CLEC16A: variants seen among roughly 807,000 people sequenced by gnomAD.
The protein encoded by CLEC16A is C-type lectin domain containing 16A.
Under a neutral mutation model 109.5 loss-of-function variants are expected in CLEC16A, and 51 were observed. The ratio of observed to expected loss-of-function variants is 0.47; its 90% CI spans 0.37 to 0.59. The LOEUF (loss-of-function observed/expected upper bound fraction) is 0.59, where lower values mean the gene tolerates loss of function less well. Ranked by LOEUF, CLEC16A falls within the 20% of genes least tolerant of loss-of-function variation. The pLI is 0.00. For missense variants in CLEC16A, 1,339 were observed against 1,394.0 expected, an observed-to-expected ratio of 0.96 and a Z score of 0.63; for synonymous variants, 673 against 564.2, an observed-to-expected ratio of 1.19 and a Z score of -2.73.
intron 19 of CLEC16A, among the ~76,000 whole-genome samples, chr16:11,089,440 CT>C (rs1253157021): frequency 6.6e-6 from 1 of 152,146 alleles, no homozygotes; most frequent in Non-Finnish European, 1.5e-5. Flanking sequence ...AGGGGTCAGC[CT>C]TTTAGCAACT....
chr16:11,078,810 C>A (rs1399091912), intron 19 of CLEC16A, among the ~76,000 whole-genome samples: 1 of 152,168 alleles, frequency 6.6e-6, no homozygotes, highest in African/African-American at 2.4e-5. Flanking sequence ...GGCAGATTCC[C>A]ATCTGCCCCT....
At chr16:11,082,377 C>G (rs1048859221) in intron 19 of CLEC16A, among the ~76,000 whole-genome samples, 1 of 152,190 alleles carries the variant, frequency 6.6e-6, no homozygotes, top group South Asian at 2.1e-4. Context: ...ACCTAGGGTC[C>G]GGTCTTTCAA....
chr16:11,042,172 C>G, intron 14 of CLEC16A, 82 bp from the exon 15 acceptor site: 1 of 1,019,112 alleles, frequency 9.8e-7, no homozygotes, highest in Non-Finnish European at 1.5e-6. Context: ...GACCTGCTAG[C>G]CTCAACGTGG....
chr16:10,998,457 G>A (rs2152742103), intron 10 of CLEC16A, among the ~76,000 whole-genome samples: 1 of 152,338 alleles, frequency 6.6e-6, no homozygotes, highest in Admixed American at 6.5e-5. Context: ...TTTGGGACAT[G>A]TAGACCTTCT....
At chr16:11,095,820 A>G (rs921126335) in intron 19 of CLEC16A, among the ~76,000 whole-genome samples, 3 of 110,956 alleles carry the variant, frequency 2.7e-5, no homozygotes, top group African/African-American at 7.0e-5. Flanking sequence ...TCAAAAAGAA[A>G]AAAAAAAAAA....
chr16:11,150,583 T>C (rs2054255415), intron 22 of CLEC16A, among the ~76,000 whole-genome samples: 2 of 152,358 alleles, frequency 1.3e-5, no homozygotes, highest in African/African-American at 4.8e-5. Flanking sequence ...TTCACAACAT[T>C]GCCATCATGT....
At chr16:11,133,964 C>G (rs1328677367) in intron 22 of CLEC16A, among the ~76,000 whole-genome samples, 1 of 152,088 alleles carries the variant, frequency 6.6e-6, no homozygotes, top group Non-Finnish European at 1.5e-5. Context: ...TTTTATAAAG[C>G]AAAATTTATT....
At chr16:10,948,205 T>C (rs1048629762) in intron 1 of CLEC16A, among the ~76,000 whole-genome samples, 9 of 152,204 alleles carry the variant, frequency 5.9e-5, no homozygotes, top group Non-Finnish European at 1.3e-4. Flanking sequence ...GACTTTACTT[T>C]TTTAGAACAG....
intron 19 of CLEC16A, among the ~76,000 whole-genome samples, chr16:11,110,902 A>G (rs1193904858): frequency 6.6e-5 from 10 of 152,190 alleles, no homozygotes; most frequent in Admixed American, 2.0e-4. Flanking sequence ...ACTGCTCTTC[A>G]TGGTAACAGC....
chr16:11,001,306 C>G (rs944719818), intron 10 of CLEC16A, among the ~76,000 whole-genome samples: 4 of 152,118 alleles, frequency 2.6e-5, no homozygotes, highest in Non-Finnish European at 1.5e-5. Context: ...GGCTGGTCTT[C>G]AAATCCTTGG....
intron 22 of CLEC16A, among the ~76,000 whole-genome samples, chr16:11,161,991 C>G (rs567572280): frequency 9.2e-5 from 14 of 152,310 alleles, no homozygotes; most frequent in African/African-American, 3.4e-4. Context: ...GGGGGCATGT[C>G]CAAGGTCTCG....
At chr16:11,147,675 A>C (rs2054122529) in intron 22 of CLEC16A, among the ~76,000 whole-genome samples, 1 of 152,220 alleles carries the variant, frequency 6.6e-6, no homozygotes, top group Non-Finnish European at 1.5e-5. Flanking sequence ...TTCATTGTAC[A>C]GTATGTGAAT....
chr16:11,027,285 G>C, intron 13 of CLEC16A: 2 of 1,547,368 alleles, frequency 1.3e-6, no homozygotes, highest in Non-Finnish European at 1.8e-6. Flanking sequence ...ACATTCCTTG[G>C]CCTTTGTTGT....
intron 10 of CLEC16A, among the ~76,000 whole-genome samples, chr16:10,994,568 GAT>G (rs2044221843): frequency 6.6e-6 from 1 of 152,282 alleles, no homozygotes; most frequent in African/African-American, 2.4e-5. Flanking sequence ...AATGTGAAAA[GAT>G]GTGTGTGTCT....
intron 11 of CLEC16A, among the ~76,000 whole-genome samples, chr16:11,005,150 G>C (rs1342924624): frequency 6.6e-6 from 1 of 152,158 alleles, no homozygotes; most frequent in Non-Finnish European, 1.5e-5. Flanking sequence ...CCTCAGCTGT[G>C]ACTAACAGTG....
At chr16:11,088,983 C>G (rs1433225347) in intron 19 of CLEC16A, among the ~76,000 whole-genome samples, 2 of 152,220 alleles carry the variant, frequency 1.3e-5, no homozygotes, top group African/African-American at 4.8e-5. Context: ...CAGCCACCCA[C>G]AGTACCCCCT....
chr16:11,108,848 T>A (rs7193670), intron 19 of CLEC16A, among the ~76,000 whole-genome samples: 1 of 151,822 alleles, frequency 6.6e-6, no homozygotes, highest in Non-Finnish European at 1.5e-5. Flanking sequence ...CGGTGGCTCA[T>A]GCCTGTAATC....
At chr16:11,133,902 G>A (rs1310315203) in intron 22 of CLEC16A, among the ~76,000 whole-genome samples, 1 of 152,182 alleles carries the variant, frequency 6.6e-6, no homozygotes, top group African/African-American at 2.4e-5. Context: ...GGGCCAGCAG[G>A]TTAGTGAGGC....
At chr16:10,962,178 G>A (rs1174207581) in intron 2 of CLEC16A, among the ~76,000 whole-genome samples, 1 of 151,954 alleles carries the variant, frequency 6.6e-6, no homozygotes. Flanking sequence ...TCTTGAACTG[G>A]CCTCAAGCGA....
Sources: allele counts gnomAD v4.1 joint callset (sites outside exome capture counted in the v4.1 genomes callset), GRCh38; gene constraint gnomAD v4.1.1; transcripts MANE v1.5; gene names NCBI Gene and HGNC (gene_info 2026-07-23, HGNC 2026-07-21).